The following CDC14B variants were observed in gnomAD, a reference collection of about 807,000 sequenced individuals.
The protein encoded by CDC14B is dual specificity protein phosphatase CDC14B.
A neutral mutation model predicts 64.2 loss-of-function variants in CDC14B; 22 were observed. The observed-to-expected ratio is 0.34, with a 90% CI of 0.24 to 0.49. The LOEUF (loss-of-function observed/expected upper bound fraction) is 0.49, where lower values mean the gene tolerates loss of function less well. Ranked by LOEUF, CDC14B falls within the 20% of genes least tolerant of loss-of-function variation. The probability of loss-of-function intolerance (pLI) is 0.99; values close to 1 mark genes in which losing one functional copy is unlikely to be tolerated. For synonymous variants in CDC14B, 191 were observed against 215.8 expected (o/e 0.89, Z 1.01); for missense variants, 498 against 629.9 (o/e 0.79, Z 2.24).
At chr9:96,499,288 G>C (rs566360530), downstream of CDC14B, among the ~76,000 whole-genome samples, 15 of 152,302 alleles carry the variant, frequency 9.8e-5, no homozygotes, top group South Asian at 3.1e-3. Flanking sequence ...CAGCTCCTTG[G>C]GGGAACTGGG....
At chr9:96,594,945 G>C (rs1167014261) in intron 1 of CDC14B, among the ~76,000 whole-genome samples, 1 of 152,072 alleles carries the variant, frequency 6.6e-6, no homozygotes, top group African/African-American at 2.4e-5. Context: ...GAGGTCAAGA[G>C]ACAGAGACCA....
chr9:96,490,980 TG>T (rs1366391529), exon 14 of CDC14B: 1 of 152,266 alleles, frequency 6.6e-6, no homozygotes, highest in Non-Finnish European at 1.5e-5. Flanking sequence ...GGTGAAAGTT[TG>T]GGGTTGGGGG....
chr9:96,574,542 T>C (rs1410915733), intron 1 of CDC14B, among the ~76,000 whole-genome samples: 1 of 151,934 alleles, frequency 6.6e-6, no homozygotes, highest in East Asian at 1.9e-4. Flanking sequence ...GATGGATTTC[T>C]TTTTTACTCA....
chr9:96,534,468 G>C lies in CDC14B; in HGVS notation c.702C>G (p.Ala234=), dbSNP rs746439288. ...AATTTCACATACCACTTTCAAGTCT[G>C]GCTCTTGAATGAGGTCCACAGAAGG... ...FIAFCGPHSR[A]RLESGYHQHS... Residue 234 remains alanine (A), a synonymous_variant, in exon 8 of 14, where the codon GCC becomes GCG. Transcript: ENST00000375241. 1 of 1,602,686 alleles carries C rather than the reference G, an allele frequency of 6.2e-7. No individual in the cohort carries two copies. Among genetic ancestry groups the C allele is most frequent in the African/African-American group, 1.3e-5 (1 of 74,680 alleles).
intron 4 of CDC14B, among the ~76,000 whole-genome samples, chr9:96,560,817 G>A (rs1316058571): frequency 6.6e-6 from 1 of 151,118 alleles, no homozygotes; most frequent in East Asian, 1.9e-4. Context: ...AGAGAGGCTG[G>A]GAGAAAGGAA....
At chr9:96,552,658 G>A (rs2132073202) in intron 4 of CDC14B, among the ~76,000 whole-genome samples, 1 of 152,172 alleles carries the variant, frequency 6.6e-6, no homozygotes, top group South Asian at 2.1e-4. Flanking sequence ...CTTCTTACAA[G>A]TAACCTGTTT....
intron 1 of CDC14B, among the ~76,000 whole-genome samples, chr9:96,597,476 A>C (rs1476967676): frequency 1.3e-5 from 2 of 152,128 alleles, no homozygotes; most frequent in African/African-American, 4.8e-5. Flanking sequence ...CCTGGGTAAC[A>C]AAGAAAGACC....
rs1214998077 is a variant in CDC14B at position 96,511,605 on chromosome 9, TC to T, written c.1344-1817del. On this transcript the variant is annotated intron_variant, in intron 12 of 13. Coordinates refer to ENST00000375241, the MANE Select transcript of CDC14B (RefSeq NM_033331.4). ...ACCTGGAGCTTGTCTGGGCCAGCGG[TC>T]CCAAGCCTTCTGGGGAGAAGGGGAT... 3.3e-5 allele frequency among the ~76,000 whole-genome samples: 5 copies of T among 152,256 alleles called. 1 individual carries two copies. In the South Asian group the frequency reaches 1.0e-3, roughly 32 times the overall value.
intron 1 of CDC14B, among the ~76,000 whole-genome samples, chr9:96,581,054 A>G (rs960389507): frequency 6.6e-6 from 1 of 152,070 alleles, no homozygotes; most frequent in Non-Finnish European, 1.5e-5. Flanking sequence ...ACATAGTGAA[A>G]CCCTGTCTCT....
intron 9 of CDC14B, among the ~76,000 whole-genome samples, chr9:96,524,636 A>C (rs1374677615): frequency 6.6e-6 from 1 of 152,174 alleles, no homozygotes; most frequent in Non-Finnish European, 1.5e-5. Flanking sequence ...TTCAGTAAGC[A>C]CAGTTCCCTC....
In CDC14B at chr9:96,502,807, G is replaced by GA. The variant is rs1289562830; in HGVS notation, c.*945dup. 5.4e-4 allele frequency: 198 copies of GA among 369,368 alleles called. No homozygotes were observed. The highest frequency in any genetic ancestry group is 1.7e-3 in the African/African-American group (77 of 46,314). The allele number at this position is 369,368 out of a possible 1,614,324, so 22.9% of individuals were successfully genotyped here. On this transcript the variant is annotated 3_prime_UTR_variant, in exon 14 of 14. Transcript: ENST00000375241. ...ATGGCCTTAGGTGGATCTCATAAGG[G>GA]AAAAAAAAAATCCAATGTTACAGGG...
intron 1 of CDC14B, 27 bp from the exon 2 acceptor site, chr9:96,565,510 T>C (rs769036999): frequency 5.6e-6 from 8 of 1,423,872 alleles, no homozygotes; most frequent in Middle Eastern, 1.8e-4. Flanking sequence ...GCAATGTTCC[T>C]TCCTGGAGGT....
intron 5 of CDC14B, among the ~76,000 whole-genome samples, chr9:96,544,156 G>T (rs1010908059): frequency 6.6e-6 from 1 of 152,056 alleles, no homozygotes; most frequent in African/African-American, 2.4e-5. Flanking sequence ...GGCAGAGGTT[G>T]CAATGAGCCA....
At chr9:96,545,890 C>T (rs1428829125) in intron 5 of CDC14B, among the ~76,000 whole-genome samples, 3 of 152,184 alleles carry the variant, frequency 2.0e-5, no homozygotes, top group Non-Finnish European at 2.9e-5. Context: ...ATTTTAGACA[C>T]ACCCACATCA....
At position 96,501,266 on chromosome 9, in the gene CDC14B, C is replaced by T. The variant is rs1451225174; in HGVS notation, c.*2487G>A. The T allele has an allele frequency of 6.6e-6, 1 of 152,248 alleles. No individual in the cohort carries two copies. The highest frequency in any genetic ancestry group is 1.5e-5 in the Non-Finnish European group (1 of 68,048). 9.4% of individuals were successfully genotyped at this position (152,248 alleles called of 1,614,324 possible). ...CTTCAAGAGCACCTAAAAATATTCA[C>T]TTCCAATTTTAATTCCATCGCAAAC... On this transcript the variant is annotated 3_prime_UTR_variant, in exon 14 of 14. Transcript: ENST00000375241.
rs1588000721 is a variant in CDC14B, at chr9:96,566,982, C to G, written c.161-1499G>C. ...GCGGCCCAACGGCCTGACACGACAG[C>G]GCAACCCCGGAAGTCCCCAAGTCCT... is the stretch of plus-strand genomic sequence containing the variant. On this transcript the variant is annotated intron_variant, in intron 1 of 13. Transcript: ENST00000375241. 6.9e-6 allele frequency: 10 copies of G among 1,444,006 alleles called. No homozygotes were observed. The East Asian group carries it at 1.5e-4, about 22-fold the overall frequency. 89.4% of individuals were successfully genotyped at this position (1,444,006 alleles called of 1,614,324 possible). A position where few individuals can be genotyped will look rare whatever the true frequency, so the allele number is the denominator to read the frequency against.
rs771541091 is a variant in CDC14B, at chr9:96,534,502, C to A, written c.668G>T (p.Arg223Leu). The A allele has an allele frequency of 7.4e-6, 12 of 1,613,406 alleles. 1 individual carries two copies. The highest frequency in any genetic ancestry group is 1.0e-5 in the Non-Finnish European group (12 of 1,179,494). The change falls in exon 8 of 14, where the codon CGA becomes CTA. Residue 223 changes from arginine (R) to leucine (L), a missense_variant. Transcript: ENST00000375241. ...ATGAGGTCCACAGAAGGCAATAAAT[C>A]GGTCTGGTATTATCCAATTTAAATC... is the stretch of plus-strand genomic sequence containing the variant. ...NGDLNWIIPD[R>L]FIAFCGPHSR...
downstream of CDC14B, among the ~76,000 whole-genome samples, chr9:96,497,052 C>T (rs1390548088): frequency 6.6e-6 from 1 of 152,230 alleles, no homozygotes; most frequent in Non-Finnish European, 1.5e-5. Context: ...CAGAGAAACA[C>T]ACCCAGGGCC....
chr9:96,608,115 G>T (rs893262888), intron 1 of CDC14B, among the ~76,000 whole-genome samples: 1 of 152,208 alleles, frequency 6.6e-6, no homozygotes, highest in Non-Finnish European at 1.5e-5. Flanking sequence ...CTGTGTGCTA[G>T]TGTCAATTCC....
Sources: allele counts gnomAD v4.1 joint callset (sites outside exome capture counted in the v4.1 genomes callset), GRCh38; gene constraint gnomAD v4.1.1; transcripts MANE v1.5; gene names NCBI Gene and HGNC (gene_info 2026-07-23, HGNC 2026-07-21).